Variants in CRYBB2 observed in about 807,000 individuals in gnomAD.
CRYBB2 encodes beta-crystallin B2.
Under a neutral mutation model 24.3 loss-of-function variants are expected in CRYBB2, and 12 were observed. That is an observed-to-expected ratio of 0.49 (90% CI 0.32 to 0.80). The LOEUF (loss-of-function observed/expected upper bound fraction) is 0.80. Among genes scored for constraint, CRYBB2 ranks in the 30% least tolerant of loss-of-function variants. The probability of loss-of-function intolerance (pLI) is 0.04; values close to 1 mark genes in which losing one functional copy is unlikely to be tolerated. For synonymous variants in CRYBB2, 98 were observed against 101.6 expected, an observed-to-expected ratio of 0.96 and a Z score of 0.21; for missense variants, 198 against 268.5, an observed-to-expected ratio of 0.74 and a Z score of 1.83.
upstream of CRYBB2, among the ~76,000 whole-genome samples, chr22:25,215,139 C>G (rs547713145): frequency 2.0e-5 from 3 of 152,354 alleles, no homozygotes; most frequent in Non-Finnish European, 4.4e-5. Context: ...GGCCCCAAAA[C>G]TGGCCATAAG....
chr22:25,222,622 A>T (rs1479638188), intron 2 of CRYBB2, among the ~76,000 whole-genome samples: 1 of 152,224 alleles, frequency 6.6e-6, no homozygotes, highest in East Asian at 1.9e-4. Context: ...CATCCAGACA[A>T]AAGGAACAGC....
At chr22:25,218,804 AAGAAAGAAAGAAAGAAAGAAAGAAAG>A (rs1569016365), upstream of CRYBB2, among the ~76,000 whole-genome samples, 3 of 119,486 alleles carry the variant, frequency 2.5e-5, no homozygotes, top group African/African-American at 1.1e-4. Flanking sequence ...GAAAGAAAGA[AAGAAAGAAAGAAAGAAAGAAAGAAAG>A]AAAGAAAGAG....
intron 2 of CRYBB2, among the ~76,000 whole-genome samples, chr22:25,222,058 A>T (rs555547862): frequency 2.6e-5 from 4 of 152,326 alleles, no homozygotes; most frequent in African/African-American, 9.6e-5. Flanking sequence ...GGGCGGCAGG[A>T]TCTTATCCCA....
rs770963171 is a variant in CRYBB2 at position 25,229,528 on chromosome 22, C to T, written c.399C>T (p.His133=). The T allele has an allele frequency of 6.8e-6, 11 of 1,614,124 alleles. No individual in the cohort carries two copies. Among genetic ancestry groups the T allele is most frequent in the Admixed American group, 6.7e-5 (4 of 60,012 alleles). The stretch of plus-strand genomic sequence containing the variant: ...TAGATGACGATGTACCCAGCTTCCA[C>T]GCCCATGGCTACCAGGAGAAGGTGT... ...EIIDDDVPSF[H]AHGYQEKVSS... Residue 133 remains histidine (H), a synonymous_variant, in exon 5 of 6, where the codon CAC becomes CAT. Coordinates refer to ENST00000398215, the MANE Select transcript of CRYBB2 (RefSeq NM_000496.3).
intron 2 of CRYBB2, among the ~76,000 whole-genome samples, chr22:25,222,106 C>A (rs1395441742): frequency 6.6e-6 from 1 of 152,220 alleles, no homozygotes. Flanking sequence ...GCCCTCAAAC[C>A]TCTATCTAGG....
rs765016594 is a variant in CRYBB2 at position 25,213,996 on chromosome 22, G to A, written c.-27+1156G>A. 5.3e-5 allele frequency among the ~76,000 whole-genome samples: 8 copies of A among 152,216 alleles called. No homozygotes were observed. In the East Asian group the frequency reaches 1.4e-3, roughly 26 times the overall value. On this transcript the variant is annotated intron_variant, in intron 1 of 5. Coordinates refer to the CRYBB2 transcript ENST00000651629. ...ACTGAGCCATGGCTCAGCTCTCCACGACCTAGCTCATTGGCTAGATGAGCA... is the reference window on the plus strand; with the variant it reads ...ACTGAGCCATGGCTCAGCTCTCCACAACCTAGCTCATTGGCTAGATGAGCA...
At chr22:25,231,456 T>G (rs1313293332) in intron 5 of CRYBB2, 148 bp from the exon 6 acceptor site, 5 of 778,130 alleles carry the variant, frequency 6.4e-6, no homozygotes, top group Non-Finnish European at 1.1e-5. Context: ...AAGGGTGTCC[T>G]GCTTACCCTT....
At chr22:25,223,590 G>A (rs1468295857) in intron 2 of CRYBB2, among the ~76,000 whole-genome samples, 1 of 152,172 alleles carries the variant, frequency 6.6e-6, no homozygotes, top group Non-Finnish European at 1.5e-5. Context: ...GTAAAGGGCT[G>A]GGTCACTGAC....
chr22:25,231,561 C>T (rs778032252), intron 5 of CRYBB2, 43 bp from the exon 6 acceptor site: 2 of 1,593,538 alleles, frequency 1.3e-6, no homozygotes, highest in Non-Finnish European at 1.7e-6. Context: ...TGCTTCTCTT[C>T]CTGTCCCCCT....
intron 2 of CRYBB2, among the ~76,000 whole-genome samples, chr22:25,222,892 CTGAAT>C (rs1935345008): frequency 6.6e-6 from 1 of 152,052 alleles, no homozygotes; most frequent in African/African-American, 2.4e-5. Context: ...TTTTTCCATT[CTGAAT>C]TTTCAAAATA....
At chr22:25,229,664 G>T (rs1935498266) in intron 5 of CRYBB2, 86 bp downstream of exon 5, 8 of 1,575,352 alleles carry the variant, frequency 5.1e-6, no homozygotes, top group Non-Finnish European at 6.9e-6. Context: ...GTACACGCTG[G>T]TGATCTTGCA....
At chr22:25,211,705 C>T (rs893400675), upstream of CRYBB2, among the ~76,000 whole-genome samples, 7 of 152,216 alleles carry the variant, frequency 4.6e-5, no homozygotes, top group Non-Finnish European at 8.8e-5. Context: ...TGAGCCACTG[C>T]GCCCAGCCCT....
intron 4 of CRYBB2, 32 bp downstream of exon 4, chr22:25,228,017 C>A: frequency 6.2e-7 from 1 of 1,613,866 alleles, no homozygotes; most frequent in Non-Finnish European, 8.5e-7. Flanking sequence ...TACTCCCTCT[C>A]TCTGCCCATC....
chr22:25,221,052 A>C (rs1206842663), intron 1 of CRYBB2, among the ~76,000 whole-genome samples: 1 of 152,242 alleles, frequency 6.6e-6, no homozygotes, highest in Non-Finnish European at 1.5e-5. Flanking sequence ...AAATTACTGC[A>C]TAAAGGCAGA....
upstream of CRYBB2, among the ~76,000 whole-genome samples, chr22:25,216,622 A>AT (rs369699251): frequency 1.3e-3 from 196 of 152,260 alleles, no homozygotes; most frequent in African/African-American, 4.4e-3. Context: ...TTTGGGGGAC[A>AT]TTTTTGTGGT....
At chr22:25,218,719 A>G (rs1197912681), upstream of CRYBB2, among the ~76,000 whole-genome samples, 1 of 69,434 alleles carries the variant, frequency 1.4e-5, no homozygotes, top group African/African-American at 7.8e-5. Context: ...AGAGAGAGAG[A>G]GAGAGAGAGA....
At chr22:25,230,199 C>G (rs1935506758) in intron 5 of CRYBB2, among the ~76,000 whole-genome samples, 1 of 149,628 alleles carries the variant, frequency 6.7e-6, no homozygotes, top group African/African-American at 2.5e-5. Context: ...CACTTTCGCC[C>G]TGGCTGGAGT....
intron 2 of CRYBB2, among the ~76,000 whole-genome samples, chr22:25,222,376 C>T (rs1417188608): frequency 2.0e-5 from 3 of 152,212 alleles, no homozygotes; most frequent in African/African-American, 7.2e-5. Context: ...GAAGGGGCTC[C>T]TGAGAGTCAC....
intron 2 of CRYBB2, among the ~76,000 whole-genome samples, chr22:25,222,421 C>G (rs893157951): frequency 1.6e-4 from 24 of 152,190 alleles, no homozygotes; most frequent in Admixed American, 5.2e-4. Flanking sequence ...CCAGGAGGGT[C>G]TCTCTGAGGA....
Sources: allele counts gnomAD v4.1 joint callset (sites outside exome capture counted in the v4.1 genomes callset), GRCh38; gene constraint gnomAD v4.1.1; transcripts MANE v1.5; gene names NCBI Gene and HGNC (gene_info 2026-07-23, HGNC 2026-07-21).